The following KCND2 variants were observed in gnomAD, a reference collection of about 807,000 sequenced individuals.
KCND2 encodes the protein A-type voltage-gated potassium channel KCND2.
In KCND2, 16 loss-of-function variants were observed where a neutral mutation model predicts 54.4. That is an observed-to-expected ratio of 0.29 (90% confidence interval 0.20 to 0.45). The LOEUF is 0.45. Ranked by LOEUF, KCND2 falls within the 20% of genes least tolerant of loss-of-function variation. KCND2 has a pLI of 1.00. For missense variants in KCND2, 486 were observed against 824.2 expected, an observed-to-expected ratio of 0.59 and a Z score of 5.02; for synonymous variants, 317 against 310.7, an observed-to-expected ratio of 1.02 and a Z score of -0.21.
At chr7:120,516,571 G>A (rs1416088734) in intron 1 of KCND2, among the ~76,000 whole-genome samples, 1 of 152,034 alleles carries the variant, frequency 6.6e-6, no homozygotes, top group African/African-American at 2.4e-5. Flanking sequence ...TCACAATGAA[G>A]ATCTTTATGT....
At chr7:120,700,138 G>T (rs1792382181) in intron 1 of KCND2, among the ~76,000 whole-genome samples, 1 of 152,098 alleles carries the variant, frequency 6.6e-6, no homozygotes, top group African/African-American at 2.4e-5. Flanking sequence ...AAATATGAGT[G>T]GGTTTAGAGT....
chr7:120,727,822 T>C (rs1792753021), intron 1 of KCND2, among the ~76,000 whole-genome samples: 1 of 151,748 alleles, frequency 6.6e-6, no homozygotes. Flanking sequence ...AAGGAAAACT[T>C]AGAAGCAGGG....
At chr7:120,562,579 TAATCAC>T (rs1450985231) in intron 1 of KCND2, among the ~76,000 whole-genome samples, 1 of 152,160 alleles carries the variant, frequency 6.6e-6, no homozygotes, top group Non-Finnish European at 1.5e-5. Context: ...TTTTTCTGAA[TAATCAC>T]ATCTTCATGT....
At chr7:120,681,110 C>T (rs1191962903) in intron 1 of KCND2, among the ~76,000 whole-genome samples, 1 of 151,982 alleles carries the variant, frequency 6.6e-6, no homozygotes, top group East Asian at 1.9e-4. Context: ...AAGCAACTCC[C>T]CAAAGGAGAC....
intron 1 of KCND2, among the ~76,000 whole-genome samples, chr7:120,607,191 GTT>G (rs11306891): frequency 1.6e-4 from 24 of 149,098 alleles, no homozygotes; most frequent in Non-Finnish European, 2.2e-4. Flanking sequence ...ATTAAGGTTT[GTT>G]TTTTTTTTTC....
intron 1 of KCND2, among the ~76,000 whole-genome samples, chr7:120,558,474 A>G (rs540746659): frequency 3.9e-5 from 6 of 152,298 alleles, no homozygotes; most frequent in Admixed American, 2.6e-4. Context: ...ATGGAGGGGA[A>G]CATTAATACC....
intron 1 of KCND2, among the ~76,000 whole-genome samples, chr7:120,538,085 T>C (rs1333767980): frequency 6.6e-6 from 1 of 152,222 alleles, no homozygotes; most frequent in East Asian, 1.9e-4. Flanking sequence ...TTCTAGCTTT[T>C]GGTTTAAAGT....
chr7:120,406,149 C>A (rs1040090842), intron 1 of KCND2, among the ~76,000 whole-genome samples: 1 of 151,840 alleles, frequency 6.6e-6, no homozygotes, highest in Non-Finnish European at 1.5e-5. Context: ...TGGTGAATAA[C>A]TATGGCCTAC....
Position 120,726,318 on chromosome 7 carries a change from G to C in KCND2, c.1116-6585G>C, listed in dbSNP as rs1182081720. On this transcript the variant is annotated intron_variant, in intron 1 of 5. Coordinates refer to ENST00000331113, the MANE Select transcript of KCND2 (RefSeq NM_012281.3). ...GTTCAATACCACAAGCAGGTGTTAT[G>C]TAACAACACTCAAAAAAAAGGTCAT... Among the ~76,000 whole-genome samples, 3 of 152,226 alleles carry C rather than the reference G, an allele frequency of 2.0e-5. No individual in the cohort carries two copies. In the East Asian group the frequency reaches 5.8e-4, roughly 29 times the overall value.
At chr7:120,620,683 A>G (rs192262532) in intron 1 of KCND2, among the ~76,000 whole-genome samples, 62 of 152,324 alleles carry the variant, frequency 4.1e-4, no homozygotes, top group African/African-American at 1.5e-3. Flanking sequence ...CTTGATCCAA[A>G]TAAGTGTGAT....
chr7:120,328,692 A>G (rs1800017941), intron 1 of KCND2, among the ~76,000 whole-genome samples: 1 of 152,196 alleles, frequency 6.6e-6, no homozygotes, highest in African/African-American at 2.4e-5. Context: ...TCTACAGGTA[A>G]CTTATCTTTC....
At chr7:120,729,633 ACT>A (rs1398189512) in intron 1 of KCND2, among the ~76,000 whole-genome samples, 2 of 152,122 alleles carry the variant, frequency 1.3e-5, no homozygotes, top group East Asian at 3.9e-4. Flanking sequence ...ACATGGGGAA[ACT>A]CTGTGTCTCT....
intron 1 of KCND2, among the ~76,000 whole-genome samples, chr7:120,447,727 A>G (rs1312502039): frequency 6.6e-6 from 1 of 152,204 alleles, no homozygotes; most frequent in Non-Finnish European, 1.5e-5. Flanking sequence ...CATTTTATTT[A>G]TTCTTGTAAA....
intron 1 of KCND2, among the ~76,000 whole-genome samples, chr7:120,711,312 C>T (rs951410494): frequency 1.3e-5 from 2 of 152,064 alleles, no homozygotes; most frequent in African/African-American, 4.8e-5. Flanking sequence ...GTATATTTTG[C>T]ATTCTATGTA....
At chr7:120,742,052 G>T (rs1471388443) in intron 3 of KCND2, among the ~76,000 whole-genome samples, 1 of 152,110 alleles carries the variant, frequency 6.6e-6, no homozygotes, top group African/African-American at 2.4e-5. Context: ...ACTATTCAGT[G>T]TTAGGAAGAT....
In KCND2 at chr7:120,450,021, T is replaced by G. The variant is rs550366575; in HGVS notation, c.1115+174274T>G. The stretch of plus-strand genomic sequence containing the variant: ...ACACATTTAAATACATGTGTTTGAC[T>G]CCAGTGAAGGAAGCATTTAACTCTA... On this transcript the variant is annotated intron_variant, in intron 1 of 5. Transcript: ENST00000331113. Among the ~76,000 whole-genome samples the G allele has an allele frequency of 2.0e-5, 3 of 152,344 alleles. No homozygotes were observed. In the East Asian group the frequency reaches 5.8e-4, roughly 29 times the overall value.
At chr7:120,454,720 TAGTA>T (rs79826722) in intron 1 of KCND2, among the ~76,000 whole-genome samples, 11,945 of 152,102 alleles carry the variant, frequency 0.079, 596 homozygotes, top group Admixed American at 0.12. Context: ...GGCATCCAAA[TAGTA>T]AGAGAGAAAG....
intron 1 of KCND2, among the ~76,000 whole-genome samples, chr7:120,382,133 C>T (rs536657112): frequency 3.9e-4 from 59 of 151,848 alleles, no homozygotes; most frequent in Middle Eastern, 3.4e-3. Flanking sequence ...GTGTTGTTTT[C>T]CTTTCTTTTT....
chr7:120,702,488 C>T (rs1792415699), intron 1 of KCND2, among the ~76,000 whole-genome samples: 1 of 152,076 alleles, frequency 6.6e-6, no homozygotes, highest in Non-Finnish European at 1.5e-5. Context: ...GACACATGCA[C>T]GTGAATGTTT....
Sources: gnomAD v4.1 joint callset for allele counts (sites outside exome capture counted in the v4.1 genomes callset) on GRCh38, gnomAD v4.1.1 for gene constraint, MANE v1.5 for transcripts, NCBI Gene and HGNC (gene_info 2026-07-23, HGNC 2026-07-21) for gene names.